Variants in NAALADL2 observed in about 807,000 individuals in gnomAD.
NAALADL2 encodes N-acetylated alpha-linked acidic dipeptidase like 2, also known as inactive N-acetylated-alpha-linked acidic dipeptidase-like protein 2.
A neutral mutation model predicts 87.2 loss-of-function variants in NAALADL2; 76 were observed. The observed-to-expected ratio is 0.87, with a 90% CI of 0.72 to 1.05. NAALADL2 has a LOEUF of 1.05. Among genes scored for constraint, NAALADL2 ranks in the 50% least tolerant of loss-of-function variants. The pLI is 0.00. For synonymous variants in NAALADL2, 354 were observed against 331.0 expected (o/e 1.07, Z -0.75); for missense variants, 1,089 against 945.8 (o/e 1.15, Z -1.99).
intron 4 of NAALADL2, among the ~76,000 whole-genome samples, chr3:175,283,790 G>A (rs1023205601): frequency 6.8e-6 from 1 of 146,036 alleles, no homozygotes; most frequent in Non-Finnish European, 1.6e-5. Flanking sequence ...TGGTTATTTG[G>A]CCACCACATT....
At chr3:175,247,410 T>A (rs887753903) in intron 3 of NAALADL2, among the ~76,000 whole-genome samples, 7 of 152,068 alleles carry the variant, frequency 4.6e-5, no homozygotes, top group African/African-American at 1.7e-4. Flanking sequence ...GTGGAGTGGT[T>A]GTAGTATTGA....
intron 9 of NAALADL2, among the ~76,000 whole-genome samples, chr3:175,572,661 A>G (rs1458448977): frequency 6.6e-6 from 1 of 152,216 alleles, no homozygotes; most frequent in African/African-American, 2.4e-5. Context: ...TTGAAGCTAA[A>G]TGATAGTAGC....
intron 5 of NAALADL2, among the ~76,000 whole-genome samples, chr3:175,387,017 T>C (rs1279698528): frequency 2.0e-5 from 3 of 152,166 alleles, no homozygotes; most frequent in Non-Finnish European, 4.4e-5. Flanking sequence ...CTAAAGTTGT[T>C]AAGATCTATG....
intron 1 of NAALADL2, among the ~76,000 whole-genome samples, chr3:174,876,928 G>C (rs1344320420): frequency 6.6e-6 from 1 of 152,118 alleles, no homozygotes; most frequent in Non-Finnish European, 1.5e-5. Flanking sequence ...TGTAGATTTG[G>C]TGAGGGCTCT....
intron 1 of NAALADL2, among the ~76,000 whole-genome samples, chr3:174,987,198 G>A (rs114785322): frequency 0.025 from 3,862 of 152,184 alleles, 156 homozygotes; most frequent in African/African-American, 0.088. Context: ...CCAAAAATAT[G>A]TACATGCTTA....
Position 174,603,659 on chromosome 3 carries a change from T to C in NAALADL2, c.-115+53022T>C, listed in dbSNP as rs1588893. Among the ~76,000 whole-genome samples, 979 of 152,192 alleles carry C rather than the reference T, an allele frequency of 6.4e-3. 9 individuals are homozygous for C. The highest frequency in any genetic ancestry group is 0.022 in the African/African-American group (918 of 41,574). On this transcript the variant is annotated intron_variant, in intron 2 of 3. Coordinates refer to the NAALADL2 transcript ENST00000434257. ...TTCTTGCTTTTCTAGTTCTTTAAGA[T>C]GCATTGTTAGGTTGTTTATTTGAAG...
At position 174,780,678 on chromosome 3, in the gene NAALADL2, A is replaced by T. The variant is rs115996128; in HGVS notation, c.-9+42932A>T. Among the ~76,000 whole-genome samples the T allele has an allele frequency of 2.5e-3, 384 of 151,980 alleles. 2 individuals carry two copies. The highest frequency in any genetic ancestry group is 8.9e-3 in the African/African-American group (369 of 41,442). On this transcript the variant is annotated intron_variant, in intron 3 of 3. Transcript: ENST00000434257. Reference sequence around the variant, plus strand: ...TCCATCAATACCTAGTTTACTGAAAATTTTCAGCATGAAGCGCTGTGGAAT... The same window carrying T: ...TCCATCAATACCTAGTTTACTGAAATTTTTCAGCATGAAGCGCTGTGGAAT...
intron 4 of NAALADL2, among the ~76,000 whole-genome samples, chr3:175,258,463 G>C (rs1750465250): frequency 6.6e-6 from 1 of 151,472 alleles, no homozygotes; most frequent in African/African-American, 2.4e-5. Flanking sequence ...AATAGATAGA[G>C]AGATAATTAA....
intron 1 of NAALADL2, among the ~76,000 whole-genome samples, chr3:174,863,506 A>G (rs1726761119): frequency 6.7e-6 from 1 of 150,020 alleles, no homozygotes; most frequent in Non-Finnish European, 1.5e-5. Context: ...TCATAGGCAC[A>G]TGTATGGAAT....
intron 5 of NAALADL2, among the ~76,000 whole-genome samples, chr3:175,361,113 G>A (rs1032713373): frequency 2.0e-5 from 3 of 151,672 alleles, no homozygotes; most frequent in Admixed American, 6.6e-5. Flanking sequence ...GTGAGAACAT[G>A]TGGTGTTTGG....
At chr3:174,814,084 ATATTT>A (rs938333373) in intron 3 of NAALADL2, among the ~76,000 whole-genome samples, 3 of 151,702 alleles carry the variant, frequency 2.0e-5, no homozygotes, top group African/African-American at 4.8e-5. Context: ...GTTTAGGTAA[ATATTT>A]TATTTTTATT....
At chr3:175,462,046 G>T (rs1723218655) in intron 6 of NAALADL2, among the ~76,000 whole-genome samples, 1 of 152,124 alleles carries the variant, frequency 6.6e-6, no homozygotes, top group Admixed American at 6.5e-5. Flanking sequence ...ATTATGCATT[G>T]TCAAAGCCCA....
intron 9 of NAALADL2, among the ~76,000 whole-genome samples, chr3:175,542,045 A>G (rs2149471096): frequency 6.6e-6 from 1 of 152,268 alleles, no homozygotes; most frequent in Non-Finnish European, 1.5e-5. Context: ...TTCTCTTGAA[A>G]GAAAGCCATT....
chr3:175,438,696 G>A (rs1719171662), intron 5 of NAALADL2, among the ~76,000 whole-genome samples: 1 of 151,892 alleles, frequency 6.6e-6, no homozygotes, highest in African/African-American at 2.4e-5. Context: ...TGTAAGTCAA[G>A]TCACTTAGCT....
chr3:175,177,475 T>G (rs993309530), intron 2 of NAALADL2, among the ~76,000 whole-genome samples: 1 of 152,110 alleles, frequency 6.6e-6, no homozygotes, highest in Non-Finnish European at 1.5e-5. Context: ...TCACTCATCT[T>G]ACCACTAGTA....
In NAALADL2 at chr3:175,809,567, G is replaced by T. The variant is rs1317421256; in HGVS notation, c.*6364G>T. ...AAAGAAAAAGTAGCTAGGCATGTTG[G>T]TGTGCACCTTTGTAGTCCAGCTACT... is the stretch of plus-strand genomic sequence containing the variant. On this transcript the variant is annotated 3_prime_UTR_variant, in exon 14 of 14. Transcript: ENST00000454872. The T allele has an allele frequency of 2.7e-5, 4 of 149,186 alleles. No individual in the cohort carries two copies. The highest frequency in any genetic ancestry group is 4.4e-5 in the Non-Finnish European group (3 of 67,452). 9.2% of individuals were successfully genotyped at this position (149,186 alleles called of 1,614,324 possible).
intron 2 of NAALADL2, among the ~76,000 whole-genome samples, chr3:174,729,025 G>A (rs1452737840): frequency 6.6e-6 from 1 of 152,034 alleles, no homozygotes; most frequent in East Asian, 1.9e-4. Context: ...GAAGAGCCAG[G>A]CTTCCTTCAA....
At chr3:174,515,876 T>G (rs1554138) in intron 1 of NAALADL2, among the ~76,000 whole-genome samples, 12,148 of 151,872 alleles carry the variant, frequency 0.08, 1,180 homozygotes, top group East Asian at 0.42. Flanking sequence ...ATAATAGCAG[T>G]CTTAGATAAA....
At chr3:175,375,401 G>A (rs1767019087) in intron 5 of NAALADL2, among the ~76,000 whole-genome samples, 1 of 152,068 alleles carries the variant, frequency 6.6e-6, no homozygotes, top group African/African-American at 2.4e-5. Flanking sequence ...TAGCAGTGTT[G>A]TGTCTGCCAA....
Sources: allele counts gnomAD v4.1 joint callset (sites outside exome capture counted in the v4.1 genomes callset), GRCh38; gene constraint gnomAD v4.1.1; transcripts MANE v1.5; gene names NCBI Gene and HGNC (gene_info 2026-07-23, HGNC 2026-07-21).